DYRK1A: variants seen among roughly 807,000 people sequenced by gnomAD.
DYRK1A encodes the protein dual specificity tyrosine-phosphorylation-regulated kinase 1A.
In DYRK1A, 9 loss-of-function variants were observed where a neutral mutation model predicts 79.7. The observed-to-expected ratio is 0.11, with a 90% CI of 0.07 to 0.20. DYRK1A has a LOEUF of 0.20. Among genes scored for constraint, DYRK1A ranks in the 10% least tolerant of loss-of-function variants. The pLI, the probability that DYRK1A is intolerant of heterozygous loss-of-function variation, is 1.00. For missense variants in DYRK1A, 622 were observed against 956.0 expected (o/e 0.65, Z 4.61); for synonymous variants, 349 against 329.7 (o/e 1.06, Z -0.63).
intron 1 of DYRK1A, among the ~76,000 whole-genome samples, chr21:37,375,481 T>G (rs568568566): frequency 1.2e-4 from 18 of 150,716 alleles, no homozygotes; most frequent in Admixed American, 3.3e-4. Context: ...TTCTCTAGTT[T>G]AAAATTTTAA....
At chr21:37,507,310 C>T (rs1266857371) in intron 11 of DYRK1A, among the ~76,000 whole-genome samples, 1 of 152,202 alleles carries the variant, frequency 6.6e-6, no homozygotes, top group Non-Finnish European at 1.5e-5. Context: ...TGGTCTCCCT[C>T]AGCTCCGGTG....
At chr21:37,447,565 A>G (rs923394410) in intron 2 of DYRK1A, among the ~76,000 whole-genome samples, 2 of 152,106 alleles carry the variant, frequency 1.3e-5, no homozygotes, top group Non-Finnish European at 2.9e-5. Flanking sequence ...ATTAATTGCA[A>G]CAGAAGCTTC....
rs374459216 is a variant in DYRK1A, at chr21:37,480,838, G to A, written c.489+12G>A. The A allele has an allele frequency of 6.6e-5, 104 of 1,564,120 alleles. No individual in the cohort carries two copies. Among genetic ancestry groups the A allele is most frequent in the Non-Finnish European group, 8.6e-5 (100 of 1,157,174 alleles). On this transcript the variant is annotated intron_variant, in intron 5 of 11. Transcript: ENST00000647188. ...GTTCCTTTGGACAGGTAATTTAATG[G>A]AAAATGCTGAATTTCATTAGTTAGA...
At chr21:37,441,648 A>G (rs574127387) in intron 2 of DYRK1A, among the ~76,000 whole-genome samples, 5 of 152,270 alleles carry the variant, frequency 3.3e-5, no homozygotes, top group Non-Finnish European at 5.9e-5. Flanking sequence ...TGTATTGACC[A>G]TACCATAGTA....
intron 1 of DYRK1A, chr21:37,375,054 A>T (rs577774446): frequency 6.6e-6 from 1 of 152,194 alleles, no homozygotes; most frequent in African/African-American, 2.4e-5. Context: ...TCTACAGAAG[A>T]GGGAATAAAG....
intron 1 of DYRK1A, among the ~76,000 whole-genome samples, chr21:37,416,417 T>C (rs1330084458): frequency 1.3e-5 from 2 of 149,772 alleles, no homozygotes; most frequent in Non-Finnish European, 3.0e-5. Flanking sequence ...GAAATCCTCC[T>C]ATATAACTGC....
chr21:37,430,686 G>C (rs941909729), intron 2 of DYRK1A, among the ~76,000 whole-genome samples: 9 of 152,318 alleles, frequency 5.9e-5, no homozygotes, highest in Middle Eastern at 3.4e-3. Flanking sequence ...CTGCTTGCCA[G>C]GTTGAGGAGG....
At chr21:37,507,425 T>G (rs1389810602) in intron 11 of DYRK1A, among the ~76,000 whole-genome samples, 5 of 152,186 alleles carry the variant, frequency 3.3e-5, no homozygotes, top group African/African-American at 4.8e-5. Flanking sequence ...TTTCTTTCCC[T>G]ATACTTCTGC....
Position 37,478,242 on chromosome 21 carries a change from C to T in DYRK1A, c.242C>T (p.Thr81Ile). 6.2e-7 allele frequency: 1 copy of T among 1,614,108 alleles called. No homozygotes were observed. The highest frequency in any genetic ancestry group is 8.5e-7 in the Non-Finnish European group (1 of 1,179,958). ...CCCCAAACCTTCCGTGACCCAGCAA[C>T]TGCTCCCCTGAGAAAACTTTCTGTT... ...RMPQTFRDPA[T>I]APLRKLSVDL... Residue 81 changes from threonine to isoleucine, a missense_variant, in exon 4 of 12, where the codon ACT (threonine) becomes ATT (isoleucine). Coordinates refer to ENST00000647188, the MANE Select transcript of DYRK1A (RefSeq NM_001347721.2).
chr21:37,511,572 C>CT (rs1284842298), intron 11 of DYRK1A, among the ~76,000 whole-genome samples: 1 of 152,160 alleles, frequency 6.6e-6, no homozygotes, highest in African/African-American at 2.4e-5. Context: ...TAAAGACTTC[C>CT]TTTTGGACCT....
rs1033287769 is a variant in DYRK1A, at chr21:37,517,192, G to A, written c.*4661G>A. 9.2e-5 allele frequency: 14 copies of A among 152,206 alleles called. No individual in the cohort carries two copies. Among genetic ancestry groups the A allele is most frequent in the African/African-American group, 3.4e-4 (14 of 41,432 alleles). The allele number at this position is 152,206 out of a possible 1,614,324, so 9.4% of individuals were successfully genotyped here. On this transcript the variant is annotated 3_prime_UTR_variant, in exon 12 of 12. Transcript: ENST00000647188. Reference sequence around the variant, plus strand: ...ACAGTACTAGAGCCTGAGTCATGTTGACTATTAATAAAGTGCATTAAGTTT... The same window carrying A: ...ACAGTACTAGAGCCTGAGTCATGTTAACTATTAATAAAGTGCATTAAGTTT...
At chr21:37,487,717 GT>G (rs1431708675) in intron 6 of DYRK1A, 1 of 152,088 alleles carries the variant, frequency 6.6e-6, no homozygotes, top group East Asian at 1.9e-4. Context: ...GCTTCAGATT[GT>G]TTAGATTTTG....
chr21:37,415,725 C>T (rs1472389642), intron 1 of DYRK1A, among the ~76,000 whole-genome samples: 2 of 152,062 alleles, frequency 1.3e-5, no homozygotes, highest in African/African-American at 4.8e-5. Context: ...CCTCTGCCTC[C>T]CAAAGTTCTG....
upstream of DYRK1A, chr21:37,366,280 G>GGCAGCCCGCCCCTCCCCCCGGC (rs2049301468): frequency 6.9e-6 from 1 of 145,054 alleles, no homozygotes; most frequent in Non-Finnish European, 1.5e-5. Flanking sequence ...CCCCGCCCGG[G>GGCAGCCCGCCCCTCCCCCCGGC]GCAGCCCGCC....
At chr21:37,477,890 C>A (rs2052456295) in intron 3 of DYRK1A, among the ~76,000 whole-genome samples, 1 of 152,138 alleles carries the variant, frequency 6.6e-6, no homozygotes, top group Non-Finnish European at 1.5e-5. Context: ...TAGAGAAGCC[C>A]TCGTGGGCAA....
At chr21:37,441,917 G>A (rs1222687568) in intron 2 of DYRK1A, among the ~76,000 whole-genome samples, 1 of 145,916 alleles carries the variant, frequency 6.9e-6, no homozygotes, top group Non-Finnish European at 1.5e-5. Flanking sequence ...TACTAATGAT[G>A]TATTCTTTCA....
At chr21:37,431,490 T>G (rs545747588) in intron 2 of DYRK1A, among the ~76,000 whole-genome samples, 2 of 152,310 alleles carry the variant, frequency 1.3e-5, no homozygotes, top group East Asian at 1.9e-4. Flanking sequence ...TTTTGTGACT[T>G]TGGGTTTCGA....
intron 2 of DYRK1A, among the ~76,000 whole-genome samples, chr21:37,429,177 T>C (rs1277946248): frequency 6.6e-6 from 1 of 152,206 alleles, no homozygotes; most frequent in African/African-American, 2.4e-5. Context: ...GATGTAAATA[T>C]TTATGTTGTT....
chr21:37,436,497 T>A (rs2050928737), intron 2 of DYRK1A, among the ~76,000 whole-genome samples: 2 of 152,184 alleles, frequency 1.3e-5, no homozygotes, highest in South Asian at 4.1e-4. Context: ...GTCCACTTTT[T>A]GTGTCTGATG....
Sources: gnomAD v4.1 joint callset for allele counts (sites outside exome capture counted in the v4.1 genomes callset) on GRCh38, gnomAD v4.1.1 for gene constraint, MANE v1.5 for transcripts, NCBI Gene and HGNC (gene_info 2026-07-23, HGNC 2026-07-21) for gene names.